EXT2: variants seen among roughly 807,000 people sequenced by gnomAD.
The protein encoded by EXT2 is exostosin glycosyltransferase 2.
Under a neutral mutation model 81.6 loss-of-function variants are expected in EXT2, and 53 were observed. The observed-to-expected ratio is 0.65, with a 90% CI of 0.52 to 0.82. EXT2 has a LOEUF of 0.82. Among genes scored for constraint, EXT2 ranks in the 40% least tolerant of loss-of-function variants. EXT2 has a pLI of 0.00. For missense variants in EXT2, 774 were observed against 910.2 expected (o/e 0.85, Z 1.93); for synonymous variants, 320 against 340.0 (o/e 0.94, Z 0.65).
chr11:44,126,131 T>C (rs1954400177), intron 5 of EXT2, among the ~76,000 whole-genome samples: 1 of 152,266 alleles, frequency 6.6e-6, no homozygotes, highest in South Asian at 2.1e-4. Context: ...TTGGTTTACC[T>C]ATTGCAGCTG....
chr11:44,203,691 G>T (rs1457780884), intron 9 of EXT2, among the ~76,000 whole-genome samples: 2 of 152,152 alleles, frequency 1.3e-5, no homozygotes, highest in African/African-American at 2.4e-5. Context: ...CAGGGAAGAG[G>T]TGCTACTTAC....
chr11:44,248,919 A>G lies in EXT2; in HGVS notation c.*4632A>G, dbSNP rs1029864165. ...AAATAGTTGAGTCACCAGCATCTGT[A>G]TCTGGCATTTTGTTTCTTCACATTT... On this transcript the variant is annotated 3_prime_UTR_variant, in exon 14 of 14. Coordinates refer to ENST00000533608, the MANE Select transcript of EXT2 (RefSeq NM_207122.2). Among the ~76,000 whole-genome samples the G allele has an allele frequency of 7.2e-5, 11 of 152,096 alleles. No homozygotes were observed. The highest frequency in any genetic ancestry group is 2.2e-4 in the African/African-American group (9 of 41,404).
chr11:44,244,024 A>G (rs772921591), intron 13 of EXT2, 125 bp from the exon 14 acceptor site: 1 of 900,564 alleles, frequency 1.1e-6, no homozygotes, highest in Non-Finnish European at 1.8e-6. Context: ...TTTTTTGTTG[A>G]TGTTGAACAT....
At chr11:44,216,209 A>C (rs911701649) in intron 10 of EXT2, among the ~76,000 whole-genome samples, 1 of 152,182 alleles carries the variant, frequency 6.6e-6, no homozygotes, top group Non-Finnish European at 1.5e-5. Context: ...GGAAGCCAGC[A>C]ATCCCCCAGC....
At chr11:44,236,515 G>A in intron 13 of EXT2, 140 bp downstream of exon 13, 1 of 785,444 alleles carries the variant, frequency 1.3e-6, no homozygotes, top group East Asian at 2.7e-5. Context: ...GTGGGAATTG[G>A]GTTAGTTCAA....
intron 8 of EXT2, among the ~76,000 whole-genome samples, chr11:44,173,661 T>C (rs1242687281): frequency 6.7e-6 from 1 of 149,626 alleles, no homozygotes; most frequent in Non-Finnish European, 1.5e-5. Flanking sequence ...TTCCGCCTTC[T>C]GGGTTCACAC....
At chr11:44,243,553 C>T (rs1207619598) in intron 13 of EXT2, among the ~76,000 whole-genome samples, 1 of 150,860 alleles carries the variant, frequency 6.6e-6, no homozygotes, top group Non-Finnish European at 1.5e-5. Flanking sequence ...TTGCCACTTA[C>T]AGGCCCTCTG....
In EXT2 at chr11:44,107,862, C is replaced by T. The variant is rs138982530; in HGVS notation, c.150C>T (p.Ile50=). The change falls in exon 2 of 14, where the codon ATC becomes ATT. Residue 50 remains isoleucine (I), a synonymous_variant. Transcript: ENST00000533608. ...TGMFQFWPHS[I]ESSNDWNVEK... is the part of the protein sequence containing the mutation. ...TGTTTCAGTTTTGGCCCCATTCTATCGAGTCCTCAAATGACTGGAATGTAG... is the reference window on the plus strand; with the variant it reads ...TGTTTCAGTTTTGGCCCCATTCTATTGAGTCCTCAAATGACTGGAATGTAG... The T allele has an allele frequency of 6.8e-5, 110 of 1,614,162 alleles. 1 individual carries two copies. The African/African-American group carries it at 1.1e-3, about 16-fold the overall frequency.
intron 7 of EXT2, among the ~76,000 whole-genome samples, chr11:44,130,894 A>AC (rs1314385210): frequency 1.3e-5 from 2 of 152,142 alleles, no homozygotes; most frequent in African/African-American, 4.8e-5. Flanking sequence ...GTCCCATGCC[A>AC]CCCCCTGCTG....
chr11:44,167,610 A>G (rs1382153997), intron 7 of EXT2, among the ~76,000 whole-genome samples: 1 of 152,180 alleles, frequency 6.6e-6, no homozygotes, highest in Non-Finnish European at 1.5e-5. Flanking sequence ...AGATAATCTG[A>G]ATCATCCAGA....
intron 7 of EXT2, among the ~76,000 whole-genome samples, chr11:44,141,408 A>G (rs542100277): frequency 6.6e-6 from 1 of 152,372 alleles, no homozygotes; most frequent in South Asian, 2.1e-4. Flanking sequence ...GTAATTGTAC[A>G]AAAACCAAAT....
intron 10 of EXT2, among the ~76,000 whole-genome samples, chr11:44,216,171 C>T (rs919517880): frequency 2.0e-4 from 31 of 152,186 alleles, no homozygotes; most frequent in Non-Finnish European, 4.0e-4. Context: ...CCACCGCGCC[C>T]GGCCCCATTT....
intron 4 of EXT2, among the ~76,000 whole-genome samples, chr11:44,121,561 A>G (rs975626291): frequency 1.3e-5 from 2 of 151,602 alleles, no homozygotes; most frequent in Admixed American, 1.3e-4. Flanking sequence ...TATTCATCAA[A>G]CTTCTGTTGC....
At chr11:44,231,899 G>A (rs1461482655) in intron 10 of EXT2, among the ~76,000 whole-genome samples, 3 of 152,084 alleles carry the variant, frequency 2.0e-5, no homozygotes, top group East Asian at 1.9e-4. Flanking sequence ...AATGGTGTAT[G>A]CTCAAGAGAA....
chr11:44,223,506 T>C (rs528565497), intron 10 of EXT2, among the ~76,000 whole-genome samples: 1 of 152,264 alleles, frequency 6.6e-6, no homozygotes, highest in African/African-American at 2.4e-5. Flanking sequence ...CAGGGAATTA[T>C]GCTGAGTGAA....
At chr11:44,205,801 A>G (rs1420100451) in intron 9 of EXT2, among the ~76,000 whole-genome samples, 1 of 152,234 alleles carries the variant, frequency 6.6e-6, no homozygotes, top group Non-Finnish European at 1.5e-5. Flanking sequence ...CTACAATTAC[A>G]TGATGGACTT....
rs575829411 is a variant in EXT2, at chr11:44,212,048, G to A, written c.1662+5089G>A. 5.9e-5 allele frequency among the ~76,000 whole-genome samples: 9 copies of A among 152,172 alleles called. No individual in the cohort carries two copies. In the South Asian group the frequency reaches 1.7e-3, roughly 28 times the overall value. ...CACCTGTAATCCCAGCACTTTGGGAGGCTGAGTCAAGCGGATCACGAGGTC... is the reference window on the plus strand; with the variant it reads ...CACCTGTAATCCCAGCACTTTGGGAAGCTGAGTCAAGCGGATCACGAGGTC... On this transcript the variant is annotated intron_variant, in intron 10 of 13. Coordinates refer to ENST00000533608, the MANE Select transcript of EXT2 (RefSeq NM_207122.2).
At chr11:44,138,350 A>G (rs1954599020) in intron 7 of EXT2, among the ~76,000 whole-genome samples, 1 of 152,212 alleles carries the variant, frequency 6.6e-6, no homozygotes, top group Non-Finnish European at 1.5e-5. Flanking sequence ...CTTGTATTTT[A>G]CAAGTGACAA....
chr11:44,175,937 A>AG (rs1351255764), intron 8 of EXT2, among the ~76,000 whole-genome samples: 1 of 152,296 alleles, frequency 6.6e-6, no homozygotes, highest in East Asian at 1.9e-4. Context: ...CCAATGACTT[A>AG]TCTAAGATCA....
Sources: allele counts gnomAD v4.1 joint callset (sites outside exome capture counted in the v4.1 genomes callset), GRCh38; gene constraint gnomAD v4.1.1; transcripts MANE v1.5; gene names NCBI Gene and HGNC (gene_info 2026-07-23, HGNC 2026-07-21).